Variants in TBC1D4 observed in about 807,000 individuals in gnomAD.
TBC1D4 encodes TBC (Tre-2, BUB2, CDC16) domain-containing protein.
A neutral mutation model predicts 142.5 loss-of-function variants in TBC1D4; 121 were observed. The ratio of observed to expected loss-of-function variants is 0.85; its 90% CI spans 0.73 to 0.99. The LOEUF (loss-of-function observed/expected upper bound fraction) is 0.99. TBC1D4 is among the 50% of genes least tolerant of loss of function. TBC1D4 has a pLI of 0.00. For missense variants in TBC1D4, 1,475 were observed against 1,606.6 expected (o/e 0.92, Z 1.40); for synonymous variants, 630 against 628.2 (o/e 1.00, Z -0.04).
chr13:75,454,951 T>C lies in TBC1D4; in HGVS notation c.498+26319A>G, dbSNP rs150131634. Among the ~76,000 whole-genome samples, 12 of 152,342 alleles carry C rather than the reference T, an allele frequency of 7.9e-5. No homozygotes were observed. The East Asian group carries it at 2.3e-3, about 29-fold the overall frequency. On this transcript the variant is annotated intron_variant, in intron 1 of 20. Coordinates refer to ENST00000377636, the MANE Select transcript of TBC1D4 (RefSeq NM_014832.5). ...TACTATTTCAAATTTAAAAATTAAG[T>C]ACTCTCTGGGAAAAATGTAAACATG...
intron 1 of TBC1D4, among the ~76,000 whole-genome samples, chr13:75,437,156 T>C (rs1221059020): frequency 5.9e-5 from 9 of 152,180 alleles, no homozygotes; most frequent in Middle Eastern, 6.8e-3. Flanking sequence ...CCTAAAGGGG[T>C]ATTACTGAGA....
intron 1 of TBC1D4, among the ~76,000 whole-genome samples, chr13:75,463,786 C>T (rs914053000): frequency 6.6e-6 from 1 of 152,164 alleles, no homozygotes; most frequent in South Asian, 2.1e-4. Context: ...TCCTGATTTA[C>T]CCCTAAAACC....
chr13:75,302,008 G>T (rs1326143811), intron 16 of TBC1D4, among the ~76,000 whole-genome samples: 1 of 152,070 alleles, frequency 6.6e-6, no homozygotes, highest in Admixed American at 6.6e-5. Flanking sequence ...ATATAAGATG[G>T]CTCCCTTTGC....
At chr13:75,423,501 GA>G in intron 1 of TBC1D4, among the ~76,000 whole-genome samples, 1 of 152,256 alleles carries the variant, frequency 6.6e-6, no homozygotes, top group East Asian at 1.9e-4. Flanking sequence ...AAAACTGGGG[GA>G]GAGGGAGTAA....
intron 8 of TBC1D4, among the ~76,000 whole-genome samples, chr13:75,333,819 T>C (rs1879966241): frequency 6.6e-6 from 1 of 152,224 alleles, no homozygotes; most frequent in African/African-American, 2.4e-5. Flanking sequence ...AGTCTGGAGT[T>C]ATTCCTCAAC....
At chr13:75,477,321 T>G (rs1360764261) in intron 1 of TBC1D4, among the ~76,000 whole-genome samples, 1 of 152,204 alleles carries the variant, frequency 6.6e-6, no homozygotes, top group Non-Finnish European at 1.5e-5. Context: ...AAAGCTCAGA[T>G]AGTAATACAC....
intron 7 of TBC1D4, among the ~76,000 whole-genome samples, chr13:75,339,963 T>C (rs1326713210): frequency 6.6e-6 from 1 of 152,212 alleles, no homozygotes; most frequent in Non-Finnish European, 1.5e-5. Flanking sequence ...TTGAATCTCC[T>C]CTTCTCTTAC....
At chr13:75,420,931 G>A (rs987467190) in intron 1 of TBC1D4, among the ~76,000 whole-genome samples, 2 of 152,100 alleles carry the variant, frequency 1.3e-5, no homozygotes, top group Admixed American at 1.3e-4. Context: ...AGACCAAGCA[G>A]TTATAAAAGG....
At chr13:75,353,111 G>C (rs188044716) in intron 4 of TBC1D4, among the ~76,000 whole-genome samples, 1 of 152,172 alleles carries the variant, frequency 6.6e-6, no homozygotes, top group Non-Finnish European at 1.5e-5. Flanking sequence ...ACAGCTTCAA[G>C]TAGTAGGAAG....
intron 15 of TBC1D4, among the ~76,000 whole-genome samples, chr13:75,304,873 A>G (rs1338132626): frequency 6.6e-6 from 1 of 152,234 alleles, no homozygotes; most frequent in Non-Finnish European, 1.5e-5. Context: ...TGCTCAAAGT[A>G]AAATAGAGCA....
chr13:75,476,498 C>G (rs1297173733), intron 1 of TBC1D4, among the ~76,000 whole-genome samples: 1 of 152,154 alleles, frequency 6.6e-6, no homozygotes, highest in African/African-American at 2.4e-5. Context: ...ATTCCACCTG[C>G]AGAACTTAAA....
chr13:75,379,012 C>T (rs1883671495), intron 1 of TBC1D4, among the ~76,000 whole-genome samples: 1 of 152,004 alleles, frequency 6.6e-6, no homozygotes, highest in African/African-American at 2.4e-5. Context: ...ACAAGTCTTA[C>T]TTCTATTTTC....
chr13:75,316,898 A>G (rs1158094753), intron 12 of TBC1D4, among the ~76,000 whole-genome samples: 1 of 152,230 alleles, frequency 6.6e-6, no homozygotes, highest in Non-Finnish European at 1.5e-5. Context: ...AGTAAAAACA[A>G]AAATAAAACA....
At chr13:75,287,310 G>C (rs1488242984) in intron 20 of TBC1D4, among the ~76,000 whole-genome samples, 2 of 152,174 alleles carry the variant, frequency 1.3e-5, no homozygotes, top group Non-Finnish European at 2.9e-5. Flanking sequence ...GTTCCCCTGA[G>C]TGAGTGGGAT....
chr13:75,333,372 A>C (rs563870730), intron 8 of TBC1D4, among the ~76,000 whole-genome samples: 1 of 152,322 alleles, frequency 6.6e-6, no homozygotes, highest in South Asian at 2.1e-4. Flanking sequence ...ATTCATTAAC[A>C]CATGAAAACA....
At chr13:75,430,141 A>G (rs548210304) in intron 1 of TBC1D4, among the ~76,000 whole-genome samples, 5 of 152,364 alleles carry the variant, frequency 3.3e-5, no homozygotes, top group African/African-American at 1.2e-4. Flanking sequence ...ATGAGTTTAC[A>G]TGAAATATTC....
chr13:75,321,318 T>C (rs1208627777), intron 11 of TBC1D4, among the ~76,000 whole-genome samples: 1 of 152,086 alleles, frequency 6.6e-6, no homozygotes, highest in Non-Finnish European at 1.5e-5. Context: ...GAAACCATGC[T>C]CTTGAATTGA....
At chr13:75,298,521 C>T (rs570071086) in intron 17 of TBC1D4, among the ~76,000 whole-genome samples, 1 of 152,228 alleles carries the variant, frequency 6.6e-6, no homozygotes, top group Admixed American at 6.5e-5. Context: ...GAGGCTGAGG[C>T]GGGCGGATCA....
At chr13:75,343,771 C>A (rs1456346502) in intron 5 of TBC1D4, among the ~76,000 whole-genome samples, 1 of 152,144 alleles carries the variant, frequency 6.6e-6, no homozygotes, top group Non-Finnish European at 1.5e-5. Context: ...CCACCTCGGC[C>A]TCCCAAAGTG....
Sources: allele counts gnomAD v4.1 joint callset (sites outside exome capture counted in the v4.1 genomes callset), GRCh38; gene constraint gnomAD v4.1.1; transcripts MANE v1.5; gene names NCBI Gene and HGNC (gene_info 2026-07-23, HGNC 2026-07-21).